The following EIF3E variants were observed in gnomAD, a reference collection of about 807,000 sequenced individuals.
EIF3E encodes eIF-3 p48.
In EIF3E, 25 loss-of-function variants were observed where a neutral mutation model predicts 59.3. The observed-to-expected ratio is 0.42, with a 90% CI of 0.31 to 0.59. The LOEUF (loss-of-function observed/expected upper bound fraction) is 0.59, where lower values mean the gene tolerates loss of function less well. EIF3E is among the 20% of genes least tolerant of loss of function. The pLI, the probability that EIF3E is intolerant of heterozygous loss-of-function variation, is 0.15. For missense variants in EIF3E, 317 were observed against 534.3 expected (o/e 0.59, Z 4.01); for synonymous variants, 176 against 170.2 (o/e 1.03, Z -0.26).
chr8:108,219,511 C>T (rs1488699635), intron 7 of EIF3E, among the ~76,000 whole-genome samples: 1 of 151,736 alleles, frequency 6.6e-6, no homozygotes, highest in Non-Finnish European at 1.5e-5. Flanking sequence ...AGGTCCATAT[C>T]ATTAAAAAGT....
chr8:108,240,509 A>G (rs1029358959), intron 2 of EIF3E, among the ~76,000 whole-genome samples: 1 of 152,228 alleles, frequency 6.6e-6, no homozygotes, highest in African/African-American at 2.4e-5. Context: ...ACATATTACT[A>G]TTACAGGTTA....
intron 1 of EIF3E, among the ~76,000 whole-genome samples, chr8:108,245,486 G>A (rs1186650773): frequency 6.6e-6 from 1 of 152,090 alleles, no homozygotes; most frequent in Admixed American, 6.5e-5. Flanking sequence ...AAAACATTAA[G>A]GAGTACTCAC....
At chr8:108,224,067 A>C (rs911696024) in intron 7 of EIF3E, among the ~76,000 whole-genome samples, 2 of 150,470 alleles carry the variant, frequency 1.3e-5, no homozygotes, top group African/African-American at 5.0e-5. Flanking sequence ...AATACAAAAA[A>C]AAAAAGTAGC....
chr8:108,203,330 G>T, intron 11 of EIF3E, 71 bp downstream of exon 11: 1 of 1,400,372 alleles, frequency 7.1e-7, no homozygotes, highest in Non-Finnish European at 9.9e-7. Flanking sequence ...GTAATAAAAT[G>T]TCCTAGTTAA....
chr8:108,237,235 C>T (rs1423994445), intron 3 of EIF3E, among the ~76,000 whole-genome samples: 1 of 151,944 alleles, frequency 6.6e-6, no homozygotes, highest in Non-Finnish European at 1.5e-5. Context: ...GTATAGTTGC[C>T]CACCTTATGA....
At chr8:108,236,242 C>T (rs757959534) in intron 3 of EIF3E, 39 bp from the exon 4 acceptor site, 5 of 1,539,394 alleles carry the variant, frequency 3.2e-6, no homozygotes, top group South Asian at 1.2e-5. Context: ...ATTTTAAAGG[C>T]CACAGAAAAC....
intron 1 of EIF3E, among the ~76,000 whole-genome samples, chr8:108,243,823 C>T (rs1714691820): frequency 6.6e-6 from 1 of 152,052 alleles, no homozygotes; most frequent in African/African-American, 2.4e-5. Flanking sequence ...AAAACCTTAA[C>T]TTCTCATCAC....
intron 10 of EIF3E, among the ~76,000 whole-genome samples, chr8:108,213,261 C>T (rs1815243819): frequency 6.6e-6 from 1 of 152,098 alleles, no homozygotes; most frequent in South Asian, 2.1e-4. Context: ...ATTGATAGTA[C>T]CTCGGAAGCA....
At chr8:108,245,391 C>G (rs144166947) in intron 1 of EIF3E, among the ~76,000 whole-genome samples, 55 of 152,248 alleles carry the variant, frequency 3.6e-4, no homozygotes, top group African/African-American at 1.3e-3. Flanking sequence ...ATTGCTTGAG[C>G]CCAGAAAGTC....
At chr8:108,236,624 G>A (rs552661405) in intron 3 of EIF3E, among the ~76,000 whole-genome samples, 2 of 152,290 alleles carry the variant, frequency 1.3e-5, no homozygotes, top group Admixed American at 6.5e-5. Flanking sequence ...TGAAATAAAT[G>A]TACCATGTAC....
chr8:108,210,497 G>A (rs908411723), intron 10 of EIF3E, among the ~76,000 whole-genome samples: 2 of 152,098 alleles, frequency 1.3e-5, no homozygotes, highest in Non-Finnish European at 2.9e-5. Flanking sequence ...TTTTAGCTCT[G>A]TTGGTCATTA....
chr8:108,221,605 T>C (rs1415197078), intron 7 of EIF3E: 1 of 152,192 alleles, frequency 6.6e-6, no homozygotes, highest in African/African-American at 2.4e-5. Flanking sequence ...AAATAAGCAC[T>C]GGTAATAAAA....
chr8:108,231,689 A>AT (rs928241443), intron 5 of EIF3E: 8 of 152,156 alleles, frequency 5.3e-5, no homozygotes, highest in Non-Finnish European at 1.2e-4. Flanking sequence ...AATAGTGCTA[A>AT]TAACTGTTAA....
intron 1 of EIF3E, 147 bp from the exon 2 acceptor site, chr8:108,242,060 G>T: frequency 1.5e-6 from 2 of 1,307,296 alleles, no homozygotes; most frequent in African/African-American, 3.0e-5. Context: ...TGTAATAATG[G>T]CAAGCAATAT....
chr8:108,217,303 A>G, intron 8 of EIF3E, 31 bp downstream of exon 8: 1 of 1,482,762 alleles, frequency 6.7e-7, no homozygotes, highest in Non-Finnish European at 9.0e-7. Flanking sequence ...AGGTATTTAA[A>G]AAAAAAAATC....
intron 7 of EIF3E, among the ~76,000 whole-genome samples, chr8:108,223,678 A>C (rs1033024113): frequency 1.3e-5 from 2 of 152,206 alleles, no homozygotes; most frequent in Non-Finnish European, 2.9e-5. Flanking sequence ...TTAGTGGCAA[A>C]GCCTCATCTC....
At chr8:108,203,363 G>A (rs1326376019) in intron 11 of EIF3E, 38 bp downstream of exon 11, 1 of 1,544,722 alleles carries the variant, frequency 6.5e-7, no homozygotes, top group African/African-American at 1.4e-5. Context: ...GTATAATCAG[G>A]AACTGATAGT....
At chr8:108,225,886 T>C (rs893150652) in intron 7 of EIF3E, among the ~76,000 whole-genome samples, 1 of 146,648 alleles carries the variant, frequency 6.8e-6, no homozygotes, top group African/African-American at 2.8e-5. Context: ...TTTTCAAAGT[T>C]ACTTTCGTTA....
chr8:108,233,617 G>A (rs1378882645), intron 5 of EIF3E: 1 of 375,820 alleles, frequency 2.7e-6, no homozygotes, highest in Non-Finnish European at 5.4e-6. Context: ...TGAGGAGGGA[G>A]GATCACTTCA....
Sources: gnomAD v4.1 joint callset for allele counts (sites outside exome capture counted in the v4.1 genomes callset) on GRCh38, gnomAD v4.1.1 for gene constraint, MANE v1.5 for transcripts, NCBI Gene and HGNC (gene_info 2026-07-23, HGNC 2026-07-21) for gene names.